COL21A1: variants seen among roughly 807,000 people sequenced by gnomAD.
The protein encoded by COL21A1 is collagen type XXI alpha 1 chain, also known as collagen alpha-1(XXI) chain.
A neutral mutation model predicts 137.9 loss-of-function variants in COL21A1; 149 were observed. The ratio of observed to expected loss-of-function variants is 1.08; its 90% CI spans 0.95 to 1.24. The LOEUF is 1.24. COL21A1 is among the 50% of genes most tolerant of loss of function. The pLI is 0.00. For missense variants in COL21A1, 1,167 were observed against 1,158.4 expected (o/e 1.01, Z -0.11); for synonymous variants, 456 against 391.5 (o/e 1.16, Z -1.95).
intron 7 of COL21A1, 185 bp downstream of exon 7, chr6:56,166,721 T>G: frequency 1.5e-6 from 1 of 685,194 alleles, no homozygotes; most frequent in Non-Finnish European, 2.6e-6. Context: ...CAATGACACA[T>G]AACAATCTCA....
intron 1 of COL21A1, among the ~76,000 whole-genome samples, chr6:56,378,379 C>T (rs1425612504): frequency 6.6e-6 from 1 of 152,132 alleles, no homozygotes; most frequent in African/African-American, 2.4e-5. Flanking sequence ...AGATAGCATC[C>T]ACCACAAGCT....
intron 16 of COL21A1, among the ~76,000 whole-genome samples, chr6:56,105,475 G>A (rs533030574): frequency 5.9e-5 from 9 of 151,976 alleles, no homozygotes; most frequent in Middle Eastern, 3.4e-3. Context: ...TTATAATTTT[G>A]GCAAAATGAG....
At chr6:56,325,702 TATATA>T (rs796079340) in intron 1 of COL21A1, among the ~76,000 whole-genome samples, 2,327 of 2,420 alleles carry the variant, frequency 0.96, 1,146 homozygotes, top group Middle Eastern at 1. Context: ...ATATATATAA[TATATA>T]ATATATGTAA....
intron 17 of COL21A1, among the ~76,000 whole-genome samples, chr6:56,088,130 G>A (rs899786381): frequency 2.6e-5 from 4 of 152,098 alleles, no homozygotes; most frequent in African/African-American, 7.2e-5. Flanking sequence ...TTGGGAGGCC[G>A]AGGTGGGTGG....
chr6:56,063,296 T>G (rs914141082), intron 24 of COL21A1, among the ~76,000 whole-genome samples: 3 of 152,162 alleles, frequency 2.0e-5, no homozygotes, highest in African/African-American at 7.2e-5. Flanking sequence ...AAAGGAAATA[T>G]CCTTCTTTTC....
intron 23 of COL21A1, among the ~76,000 whole-genome samples, chr6:56,065,821 A>G (rs945700177): frequency 1.3e-5 from 2 of 152,008 alleles, no homozygotes; most frequent in Non-Finnish European, 2.9e-5. Context: ...GCACGATTAA[A>G]GGACTCCTAA....
At chr6:56,289,483 T>G (rs186943638) in intron 1 of COL21A1, among the ~76,000 whole-genome samples, 1 of 152,354 alleles carries the variant, frequency 6.6e-6, no homozygotes, top group East Asian at 1.9e-4. Context: ...ATGGGACTAT[T>G]TTCTCTCTGC....
intron 29 of COL21A1, among the ~76,000 whole-genome samples, chr6:56,058,958 G>A (rs1375963218): frequency 6.6e-6 from 1 of 152,074 alleles, no homozygotes; most frequent in East Asian, 1.9e-4. Flanking sequence ...CTATCTAAAT[G>A]ATAAGCAAGA....
chr6:56,381,877 T>C (rs2094009229), intron 1 of COL21A1, among the ~76,000 whole-genome samples: 3 of 152,168 alleles, frequency 2.0e-5, no homozygotes, highest in African/African-American at 7.2e-5. Flanking sequence ...CAGGTGAAGG[T>C]TGATTTTCAG....
Position 56,068,086 on chromosome 6 carries a change from TAGTAG to T in COL21A1, c.2092-761_2092-757del, listed in dbSNP as rs1477043400. On this transcript the variant is annotated intron_variant, in intron 22 of 29. Transcript: ENST00000244728. ...TCTCTTCATCCCAAACATATATTCGTAGTAGATTTACTTAACATTTACTAAGAGTC... is the reference window on the plus strand; with the variant it reads ...TCTCTTCATCCCAAACATATATTCGTATTTACTTAACATTTACTAAGAGTC... Among the ~76,000 whole-genome samples, 4 of 151,768 alleles carry T rather than the reference TAGTAG, an allele frequency of 2.6e-5. No individual in the cohort carries two copies. The East Asian group carries it at 5.8e-4, about 22-fold the overall frequency.
In COL21A1 at chr6:56,192,176, T is replaced by C. The variant is rs9382590; in HGVS notation, c.-38-9520A>G. 8.8e-3 allele frequency among the ~76,000 whole-genome samples: 1,339 copies of C among 152,256 alleles called. 120 individuals carry two copies. The East Asian group carries it at 0.21, about 24-fold the overall frequency. The stretch of plus-strand genomic sequence containing the variant: ...AGAAAAGTGAAACTGGACCCCTTCG[T>C]TACACCGTATACAAAAATCAACTCA... On this transcript the variant is annotated intron_variant, in intron 1 of 29. Coordinates refer to ENST00000244728, the MANE Select transcript of COL21A1 (RefSeq NM_030820.4).
intron 19 of COL21A1, among the ~76,000 whole-genome samples, chr6:56,074,505 C>T (rs536105710): frequency 2.0e-5 from 3 of 151,432 alleles, no homozygotes; most frequent in South Asian, 4.2e-4. Flanking sequence ...GCTAGCAGAG[C>T]GCTTATGATT....
chr6:56,162,768 AT>A (rs1379951650), intron 9 of COL21A1, among the ~76,000 whole-genome samples: 2 of 152,208 alleles, frequency 1.3e-5, no homozygotes, highest in African/African-American at 4.8e-5. Context: ...GAACATATAT[AT>A]TTTTAAAAGA....
rs981625679 is a variant in COL21A1 at position 56,061,239 on chromosome 6, C to CGGT, written c.2206-203_2206-202insACC. On this transcript the variant is annotated intron_variant, in intron 25 of 29. Coordinates refer to ENST00000244728, the MANE Select transcript of COL21A1 (RefSeq NM_030820.4). ...ACTGTCATTTATCCATCCATCCAAC[C>CGGT]AGCCAGACCTACAAGTATCCACAAC... 5.4e-6 allele frequency: 3 copies of CGGT among 554,538 alleles called. No individual in the cohort carries two copies. The Admixed American group carries it at 1.1e-4, about 20-fold the overall frequency. 34.4% of individuals were successfully genotyped at this position (554,538 alleles called of 1,614,324 possible).
At chr6:56,379,896 G>A (rs2094005917) in intron 1 of COL21A1, among the ~76,000 whole-genome samples, 1 of 152,020 alleles carries the variant, frequency 6.6e-6, no homozygotes, top group Non-Finnish European at 1.5e-5. Context: ...TATTATGAGG[G>A]AGGTTGAGCA....
At chr6:56,096,689 G>A (rs1188633258) in intron 17 of COL21A1, among the ~76,000 whole-genome samples, 1 of 152,084 alleles carries the variant, frequency 6.6e-6, no homozygotes. Context: ...TCTGCTTACA[G>A]GGATGAATCA....
At chr6:56,209,004 C>T (rs1779979044) in intron 1 of COL21A1, among the ~76,000 whole-genome samples, 1 of 152,090 alleles carries the variant, frequency 6.6e-6, no homozygotes, top group African/African-American at 2.4e-5. Flanking sequence ...CCATTCCTTA[C>T]ATCTTATAAA....
intron 1 of COL21A1, among the ~76,000 whole-genome samples, chr6:56,322,562 T>C (rs1427148471): frequency 2.6e-5 from 4 of 152,142 alleles, no homozygotes; most frequent in Non-Finnish European, 5.9e-5. Flanking sequence ...TTTTTATTAA[T>C]AAAGATGTGT....
intron 5 of COL21A1, among the ~76,000 whole-genome samples, chr6:56,168,541 C>A (rs1321167594): frequency 6.6e-6 from 1 of 152,120 alleles, no homozygotes; most frequent in African/African-American, 2.4e-5. Context: ...CTTACTAAAG[C>A]AACTACCTCA....
Sources: gnomAD v4.1 joint callset for allele counts (sites outside exome capture counted in the v4.1 genomes callset) on GRCh38, gnomAD v4.1.1 for gene constraint, MANE v1.5 for transcripts, NCBI Gene and HGNC (gene_info 2026-07-23, HGNC 2026-07-21) for gene names.